ANKH: variants seen among roughly 807,000 people sequenced by gnomAD.
ANKH encodes mineralization regulator ANKH.
In ANKH, 15 loss-of-function variants were observed where a neutral mutation model predicts 49.0. The ratio of observed to expected loss-of-function variants is 0.31; its 90% confidence interval spans 0.20 to 0.47. The LOEUF is 0.47. Ranked by LOEUF, ANKH falls within the 20% of genes least tolerant of loss-of-function variation. The pLI is 1.00. For missense variants in ANKH, 429 were observed against 652.0 expected, an observed-to-expected ratio of 0.66 and a Z score of 3.72; for synonymous variants, 273 against 260.0, an observed-to-expected ratio of 1.05 and a Z score of -0.48.
At position 14,788,831 on chromosome 5, in the gene ANKH, GA is replaced by G. The variant is rs547774937; in HGVS notation, c.97-19641del. ...ATGAGTGGAAAGGGAACTTTAGAATGAAGGTATGTGGAATGCTCCCTGAGCA... is the reference window on the plus strand; with the variant it reads ...ATGAGTGGAAAGGGAACTTTAGAATGAGGTATGTGGAATGCTCCCTGAGCA... On this transcript the variant is annotated intron_variant, in intron 1 of 11. Transcript: ENST00000284268. Among the ~76,000 whole-genome samples, 327 of 152,308 alleles carry G rather than the reference GA, an allele frequency of 2.1e-3. 1 individual carries two copies. Among genetic ancestry groups the G allele is most frequent in the African/African-American group, 7.4e-3 (307 of 41,554 alleles).
chr5:14,731,766 C>T (rs554623253), intron 8 of ANKH, among the ~76,000 whole-genome samples: 18 of 152,314 alleles, frequency 1.2e-4, no homozygotes, highest in Non-Finnish European at 2.1e-4. Flanking sequence ...CAGTGCCAAG[C>T]GGCTAATTTA....
chr5:14,741,752 C>T (rs929161172), intron 8 of ANKH, 75 bp downstream of exon 8: 12 of 1,057,216 alleles, frequency 1.1e-5, no homozygotes, highest in Middle Eastern at 4.0e-4. Context: ...ATAAGATTTC[C>T]CCCTTTAAAA....
intron 1 of ANKH, among the ~76,000 whole-genome samples, chr5:14,785,474 T>C (rs1304061894): frequency 1.3e-5 from 2 of 152,318 alleles, no homozygotes; most frequent in South Asian, 2.1e-4. Flanking sequence ...CCTTCTGCCA[T>C]GATTGGAAGC....
At chr5:14,871,044 G>C in intron 1 of ANKH, 1 of 477,964 alleles carries the variant, frequency 2.1e-6, no homozygotes, top group Non-Finnish European at 4.1e-6. Flanking sequence ...TTTAATTAGA[G>C]CTGAGGTTTA....
chr5:14,832,526 T>C (rs1013192207), intron 1 of ANKH, among the ~76,000 whole-genome samples: 3 of 152,248 alleles, frequency 2.0e-5, no homozygotes, highest in Admixed American at 6.5e-5. Flanking sequence ...ATTCAGTAAG[T>C]AACGGAGTTA....
intron 1 of ANKH, among the ~76,000 whole-genome samples, chr5:14,851,148 G>T (rs1168361179): frequency 1.3e-5 from 2 of 152,162 alleles, no homozygotes; most frequent in Non-Finnish European, 2.9e-5. Flanking sequence ...AACAGTGCAT[G>T]ATTCTCAAAG....
At chr5:14,803,535 C>T (rs1166728520) in intron 1 of ANKH, among the ~76,000 whole-genome samples, 1 of 152,224 alleles carries the variant, frequency 6.6e-6, no homozygotes, top group Non-Finnish European at 1.5e-5. Flanking sequence ...CTGCCTCAGC[C>T]TCCCAAAGTA....
chr5:14,856,730 T>C (rs1171957769), intron 1 of ANKH, among the ~76,000 whole-genome samples: 1 of 152,178 alleles, frequency 6.6e-6, no homozygotes, highest in African/African-American at 2.4e-5. Context: ...TGATTTTCCC[T>C]AAATATCACC....
At chr5:14,768,511 G>C in intron 2 of ANKH, 1 of 209,134 alleles carries the variant, frequency 4.8e-6, no homozygotes, top group South Asian at 7.6e-5. Flanking sequence ...AGAGCATTTA[G>C]TCTTGTCTTT....
At chr5:14,788,695 A>G (rs1740057584) in intron 1 of ANKH, among the ~76,000 whole-genome samples, 1 of 152,190 alleles carries the variant, frequency 6.6e-6, no homozygotes, top group Non-Finnish European at 1.5e-5. Context: ...AGGCAGTAGA[A>G]AGGCAGAGAG....
At chr5:14,790,234 C>T (rs909708805) in intron 1 of ANKH, among the ~76,000 whole-genome samples, 1 of 152,202 alleles carries the variant, frequency 6.6e-6, no homozygotes, top group Non-Finnish European at 1.5e-5. Context: ...GATAAAAGTA[C>T]ACTAAACAGA....
intron 1 of ANKH, among the ~76,000 whole-genome samples, chr5:14,774,844 A>G (rs1177361290): frequency 6.6e-6 from 1 of 152,070 alleles, no homozygotes; most frequent in East Asian, 1.9e-4. Flanking sequence ...CTCAAGATAG[A>G]TGATCAATAA....
intron 11 of ANKH, among the ~76,000 whole-genome samples, chr5:14,712,460 C>T (rs2126399673): frequency 6.6e-6 from 1 of 152,374 alleles, no homozygotes; most frequent in South Asian, 2.1e-4. Context: ...ACCAGAGAGG[C>T]TGCCCGAGCT....
chr5:14,843,384 C>T (rs185806014), intron 1 of ANKH, among the ~76,000 whole-genome samples: 10 of 151,768 alleles, frequency 6.6e-5, no homozygotes, highest in Admixed American at 5.9e-4. Flanking sequence ...CCATGTTGGT[C>T]AGGCTGATCT....
chr5:14,836,587 G>A (rs1337852438), intron 1 of ANKH, among the ~76,000 whole-genome samples: 1 of 152,028 alleles, frequency 6.6e-6, no homozygotes, highest in Admixed American at 6.6e-5. Flanking sequence ...CTTCAAGGAG[G>A]ACTACAAACC....
At chr5:14,753,404 G>C (rs1018233151) in intron 4 of ANKH, among the ~76,000 whole-genome samples, 2 of 152,190 alleles carry the variant, frequency 1.3e-5, no homozygotes, top group African/African-American at 4.8e-5. Context: ...TTGGTTCAGA[G>C]GAATTTTCTC....
chr5:14,865,010 C>T (rs2126634821), intron 1 of ANKH, among the ~76,000 whole-genome samples: 1 of 152,310 alleles, frequency 6.6e-6, no homozygotes, highest in South Asian at 2.1e-4. Flanking sequence ...CCTGTAATCC[C>T]AGCACTTTGG....
intron 2 of ANKH, among the ~76,000 whole-genome samples, chr5:14,764,621 G>T (rs76030404): frequency 0.094 from 14,237 of 152,202 alleles, 729 homozygotes; most frequent in Admixed American, 0.11. Flanking sequence ...GATCGGGGTG[G>T]TTTTTTACAC....
rs541565320 is a variant in ANKH, at chr5:14,728,529, G to A, written c.1012-11694C>T. Among the ~76,000 whole-genome samples, 557 of 152,306 alleles carry A rather than the reference G, an allele frequency of 3.7e-3. 3 individuals carry two copies. Among genetic ancestry groups the A allele is most frequent in the Non-Finnish European group, 5.5e-3 (374 of 68,034 alleles). On this transcript the variant is annotated intron_variant, in intron 8 of 11. Coordinates refer to ENST00000284268, the MANE Select transcript of ANKH (RefSeq NM_054027.6). ...AATGGGGTGGCAGTCTCCACCTCAC[G>A]GCGTGGGGGTGGGGTGGCCCAGCAT...
Sources: gnomAD v4.1 joint callset for allele counts (sites outside exome capture counted in the v4.1 genomes callset) on GRCh38, gnomAD v4.1.1 for gene constraint, MANE v1.5 for transcripts, NCBI Gene and HGNC (gene_info 2026-07-23, HGNC 2026-07-21) for gene names.